The following EPB41L4B variants were observed in gnomAD, a reference collection of about 807,000 sequenced individuals.
EPB41L4B encodes band 4.1-like protein 4B.
A neutral mutation model predicts 112.5 loss-of-function variants in EPB41L4B; 30 were observed. That is an observed-to-expected ratio of 0.27 (90% CI 0.20 to 0.36). EPB41L4B has a LOEUF of 0.36. EPB41L4B is among the 10% of genes least tolerant of loss of function. The pLI, the probability that EPB41L4B is intolerant of heterozygous loss-of-function variation, is 1.00. For missense variants in EPB41L4B, 1,024 were observed against 1,133.3 expected, an observed-to-expected ratio of 0.90 and a Z score of 1.38; for synonymous variants, 408 against 439.7, an observed-to-expected ratio of 0.93 and a Z score of 0.90.
chr9:109,291,591 G>A (rs928813921), intron 1 of EPB41L4B, among the ~76,000 whole-genome samples: 1 of 152,206 alleles, frequency 6.6e-6, no homozygotes, highest in Non-Finnish European at 1.5e-5. Flanking sequence ...TTGATTTCCT[G>A]ACTTGCCAGG....
chr9:109,179,101 T>C (rs1378979335), intron 24 of EPB41L4B, among the ~76,000 whole-genome samples: 1 of 152,160 alleles, frequency 6.6e-6, no homozygotes, highest in Non-Finnish European at 1.5e-5. Flanking sequence ...AAGAAGCATG[T>C]AGAGCAGAAA....
chr9:109,269,850 A>G (rs1219696111), intron 2 of EPB41L4B, among the ~76,000 whole-genome samples: 1 of 152,202 alleles, frequency 6.6e-6, no homozygotes, highest in Non-Finnish European at 1.5e-5. Flanking sequence ...GGACCCAACC[A>G]GGACAGTGTA....
At position 109,174,508 on chromosome 9, in the gene EPB41L4B, C is replaced by T. The variant is rs10979727; in HGVS notation, c.*46G>A. On this transcript the variant is annotated 3_prime_UTR_variant, in exon 26 of 26. Coordinates refer to ENST00000374566, the MANE Select transcript of EPB41L4B (RefSeq NM_019114.5). ...GCACACAAAGCCCGAAGAAAGAAGA[C>T]GGACAGAAGGCACCATGCCATCTTC... 588,964 of 1,537,930 alleles carry T rather than the reference C, an allele frequency of 0.38. 117,686 individuals carry two copies. Among genetic ancestry groups the T allele is most frequent in the African/African-American group, 0.48 (35,108 of 73,390 alleles).
At chr9:109,176,914 C>T (rs1159814539) in intron 24 of EPB41L4B, among the ~76,000 whole-genome samples, 6 of 152,160 alleles carry the variant, frequency 3.9e-5, no homozygotes, top group Non-Finnish European at 7.3e-5. Flanking sequence ...ATTATATTTC[C>T]TCACATCTTA....
At position 109,176,656 on chromosome 9, in the gene EPB41L4B, G is replaced by C; in HGVS notation, c.2528C>G (p.Pro843Arg). The change falls in exon 25 of 26, where the codon CCG becomes CGG. Residue 843 changes from proline to arginine, a missense_variant. By Grantham distance (103) the Pro-to-Arg change is moderately radical (BLOSUM62 -2). Transcript: ENST00000374566. ...RDSKLQCCPG[P>R]TSPLIPAATL... ...CGCTGCTGGGATCAGCGGGGAAGTCGGGCCAGGACAGCACTGTAATTTACT... is the reference window on the plus strand; with the variant it reads ...CGCTGCTGGGATCAGCGGGGAAGTCCGGCCAGGACAGCACTGTAATTTACT... 6.2e-7 allele frequency: 1 copy of C among 1,613,962 alleles called. No homozygotes were observed. Among genetic ancestry groups the C allele is most frequent in the Non-Finnish European group, 8.5e-7 (1 of 1,179,968 alleles).
At chr9:109,190,024 C>T (rs10118093) in intron 22 of EPB41L4B, among the ~76,000 whole-genome samples, 5,424 of 152,274 alleles carry the variant, frequency 0.036, 308 homozygotes, top group African/African-American at 0.12. Context: ...CAACCTCCGC[C>T]TCCTGGGTTC....
At chr9:109,285,631 G>A (rs553260268) in intron 1 of EPB41L4B, among the ~76,000 whole-genome samples, 1 of 152,154 alleles carries the variant, frequency 6.6e-6, no homozygotes, top group Non-Finnish European at 1.5e-5. Context: ...GGGGTCCCCA[G>A]TGGGTTACCA....
In EPB41L4B at chr9:109,320,250, A is replaced by C. The variant is rs1030848601; in HGVS notation, c.197T>G (p.Leu66Arg). 35 of 1,235,462 alleles carry C rather than the reference A, an allele frequency of 2.8e-5. No homozygotes were observed. The highest frequency in any genetic ancestry group is 3.5e-5 in the Non-Finnish European group (34 of 984,016). The allele number at this position is 1,235,462 out of a possible 1,614,324, so 76.5% of individuals were successfully genotyped here. A position where few individuals can be genotyped will look rare whatever the true frequency, so the allele number is the denominator to read the frequency against. ...GTGCACGGCCGCGCCGCCGGTGAGC[A>C]GGGGCCCGCCGCCCGCCGGGAACAC... ...GSVFPAGGGPLLTGGAAVHIS... is the reference protein window; with the variant it reads ...GSVFPAGGGPRLTGGAAVHIS... The change falls in exon 1 of 26, where the codon CTG becomes CGG. Residue 66 changes from leucine (L) to arginine (R), a missense_variant. By Grantham distance (102) the Leu-to-Arg change is moderately radical. Transcript: ENST00000374566.
At chr9:109,186,615 C>T (rs569237843) in intron 22 of EPB41L4B, among the ~76,000 whole-genome samples, 84 of 152,180 alleles carry the variant, frequency 5.5e-4, no homozygotes, top group African/African-American at 2.0e-3. Flanking sequence ...GCTGGGACTA[C>T]AGATATGTGC....
intron 15 of EPB41L4B, among the ~76,000 whole-genome samples, chr9:109,238,348 G>T (rs13297472): frequency 1.3e-5 from 2 of 152,142 alleles, no homozygotes; most frequent in Non-Finnish European, 2.9e-5. Flanking sequence ...ACTGAATCTA[G>T]AAGTCACATG....
At chr9:109,244,396 GA>G (rs1325687200) in intron 14 of EPB41L4B, among the ~76,000 whole-genome samples, 3 of 135,650 alleles carry the variant, frequency 2.2e-5, no homozygotes, top group African/African-American at 8.0e-5. Flanking sequence ...AGGGAAGGAA[GA>G]AAGAGAAAGA....
At position 109,268,404 on chromosome 9, in the gene EPB41L4B, T is replaced by A; in HGVS notation, c.441A>T (p.Lys147Asn). The A allele has an allele frequency of 6.2e-7, 1 of 1,610,460 alleles. No homozygotes were observed. Among genetic ancestry groups the A allele is most frequent in the Non-Finnish European group, 8.5e-7 (1 of 1,179,334 alleles). Residue 147 changes from lysine (K) to asparagine (N), a missense_variant, in exon 3 of 26, where the codon AAA becomes AAT. Transcript: ENST00000374566. ...AHWLDHAKPI[K>N]KQMKIGPAYA... ...CTGCTTACTTACTTTTCATCTGCTT[T>A]TTTATGGGTTTGGCATGATCCAGCC...
chr9:109,194,116 T>G, intron 21 of EPB41L4B, 104 bp downstream of exon 21: 1 of 1,326,548 alleles, frequency 7.5e-7, no homozygotes, highest in South Asian at 1.4e-5. Context: ...TATACACAAT[T>G]GATTATGCAA....
rs1036276596 is a variant in EPB41L4B, at chr9:109,265,384, C to T, written c.534-360G>A. Among the ~76,000 whole-genome samples, 5 of 152,316 alleles carry T rather than the reference C, an allele frequency of 3.3e-5. No individual in the cohort carries two copies. The East Asian group carries it at 9.6e-4, about 29-fold the overall frequency. ...CAATAACCCAGGCAGGGTGGGGCCG[C>T]GGGGTCTGGCTCTCAGCCAGCTCCA... is the stretch of plus-strand genomic sequence containing the variant. On this transcript the variant is annotated intron_variant, in intron 4 of 25. Transcript: ENST00000374566.
At chr9:109,215,937 C>T (rs1287333659) in intron 16 of EPB41L4B, among the ~76,000 whole-genome samples, 1 of 152,102 alleles carries the variant, frequency 6.6e-6, no homozygotes, top group East Asian at 1.9e-4. Context: ...CCATCCTGGG[C>T]AACATGGCAA....
In EPB41L4B at chr9:109,213,741, C is replaced by G. The variant is rs773659317; in HGVS notation, c.1711G>C (p.Ala571Pro). The change falls in exon 17 of 26, where the codon GCT becomes CCT. Residue 571 changes from alanine to proline, a missense_variant. Physicochemically the swap from Ala to Pro is conservative, Grantham distance 27 (BLOSUM62 -1). Coordinates refer to ENST00000374566, the MANE Select transcript of EPB41L4B (RefSeq NM_019114.5). ...LKKLELETVK[A>P]AGPWPPLHIN... The stretch of plus-strand genomic sequence containing the variant: ...TGCAGAGGAGGCCAGGGTCCAGCAG[C>G]CTTCACAGTTTCCAGTTCCAGCTTC... 1 of 1,614,134 alleles carries G rather than the reference C, an allele frequency of 6.2e-7. No homozygotes were observed. The highest frequency in any genetic ancestry group is 1.7e-4 in the Middle Eastern group (1 of 6,042).
At chr9:109,246,955 G>A (rs185067075) in intron 14 of EPB41L4B, among the ~76,000 whole-genome samples, 1 of 152,334 alleles carries the variant, frequency 6.6e-6, no homozygotes. Context: ...TAGGGGTTGA[G>A]GCTAGCGTTT....
intron 25 of EPB41L4B, 96 bp downstream of exon 25, chr9:109,176,455 G>A: frequency 1.5e-6 from 2 of 1,320,582 alleles, no homozygotes; most frequent in Non-Finnish European, 2.0e-6. Context: ...AAGAATGTAG[G>A]AAAGGCCTGT....
intron 19 of EPB41L4B, among the ~76,000 whole-genome samples, chr9:109,203,072 T>G (rs1412241044): frequency 6.6e-6 from 1 of 152,148 alleles, no homozygotes; most frequent in Non-Finnish European, 1.5e-5. Context: ...AAGAATTGCT[T>G]GAATCTGGGA....
Sources: gnomAD v4.1 joint callset for allele counts (sites outside exome capture counted in the v4.1 genomes callset) on GRCh38, gnomAD v4.1.1 for gene constraint, MANE v1.5 for transcripts, NCBI Gene and HGNC (gene_info 2026-07-23, HGNC 2026-07-21) for gene names.